EVI5: variants seen among roughly 807,000 people sequenced by gnomAD.
EVI5 encodes the protein ecotropic viral integration site 5.
Under a neutral mutation model 112.0 loss-of-function variants are expected in EVI5, and 73 were observed. The ratio of observed to expected loss-of-function variants is 0.65; its 90% CI spans 0.54 to 0.79. EVI5 has a LOEUF of 0.79. EVI5 is among the 30% of genes least tolerant of loss of function. EVI5 has a pLI of 0.00. For synonymous variants in EVI5, 305 were observed against 319.9 expected, an observed-to-expected ratio of 0.95 and a Z score of 0.50; for missense variants, 900 against 968.8, an observed-to-expected ratio of 0.93 and a Z score of 0.94.
intron 1 of EVI5, chr1:92,756,524 T>G (rs973073207): frequency 1.1e-5 from 6 of 530,200 alleles, no homozygotes; most frequent in Non-Finnish European, 2.3e-5. Context: ...TGGTATTTCT[T>G]AGTGCCGTGT....
At chr1:92,522,860 T>G (rs1199797836) in intron 19 of EVI5, among the ~76,000 whole-genome samples, 1 of 151,892 alleles carries the variant, frequency 6.6e-6, no homozygotes, top group African/African-American at 2.4e-5. Context: ...TGGGCTCAAG[T>G]GATCCTCCTG....
chr1:92,740,610 T>C (rs558701340), intron 1 of EVI5, among the ~76,000 whole-genome samples: 182 of 152,306 alleles, frequency 1.2e-3, no homozygotes, highest in African/African-American at 4.0e-3. Context: ...TTATTTTTTA[T>C]TGGGCTCACT....
intron 14 of EVI5, among the ~76,000 whole-genome samples, chr1:92,634,767 A>G (rs1658363368): frequency 6.6e-6 from 1 of 151,762 alleles, no homozygotes; most frequent in Non-Finnish European, 1.5e-5. Flanking sequence ...GCTTTTTAGA[A>G]TTTTCAGTTT....
At chr1:92,579,582 A>G (rs1319203497) in intron 18 of EVI5, among the ~76,000 whole-genome samples, 1 of 152,192 alleles carries the variant, frequency 6.6e-6, no homozygotes, top group Non-Finnish European at 1.5e-5. Context: ...TGACTAATAC[A>G]GTTATTAATA....
chr1:92,536,444 A>G (rs1326771265), intron 19 of EVI5, among the ~76,000 whole-genome samples: 1 of 152,208 alleles, frequency 6.6e-6, no homozygotes, highest in Non-Finnish European at 1.5e-5. Context: ...TATGATAGTA[A>G]AAATTCAAAC....
At chr1:92,644,229 C>A (rs1660523753) in intron 13 of EVI5, among the ~76,000 whole-genome samples, 1 of 152,172 alleles carries the variant, frequency 6.6e-6, no homozygotes, top group Admixed American at 6.5e-5. Context: ...ATGTGCCTTC[C>A]TGATTTAAAG....
chr1:92,624,358 C>T (rs780742096), intron 15 of EVI5, 24 bp from the exon 16 acceptor site: 1 of 1,599,814 alleles, frequency 6.3e-7, no homozygotes, highest in South Asian at 1.1e-5. Context: ...AATTATATTG[C>T]AACAAATACT....
chr1:92,560,995 CTTG>C (rs1300068727), intron 19 of EVI5, among the ~76,000 whole-genome samples: 1 of 151,632 alleles, frequency 6.6e-6, no homozygotes, highest in Non-Finnish European at 1.5e-5. Context: ...CAGTGGAGAA[CTTG>C]TTATTTAATC....
At chr1:92,592,423 G>A (rs1350888934) in intron 18 of EVI5, among the ~76,000 whole-genome samples, 2 of 152,178 alleles carry the variant, frequency 1.3e-5, no homozygotes, top group Non-Finnish European at 2.9e-5. Flanking sequence ...TCCAAGCAGT[G>A]TGTAGAGGGA....
intron 19 of EVI5, among the ~76,000 whole-genome samples, chr1:92,544,032 T>A (rs1221345599): frequency 6.6e-6 from 1 of 152,238 alleles, no homozygotes; most frequent in Non-Finnish European, 1.5e-5. Flanking sequence ...ACGACATGAA[T>A]GAGCCTTGAA....
intron 16 of EVI5, among the ~76,000 whole-genome samples, chr1:92,616,087 G>A (rs998752310): frequency 6.6e-6 from 1 of 152,200 alleles, no homozygotes; most frequent in Admixed American, 6.5e-5. Context: ...ATGGCCCACT[G>A]TGAGAGAGCT....
At chr1:92,644,378 A>G (rs963751521) in intron 13 of EVI5, among the ~76,000 whole-genome samples, 1 of 152,226 alleles carries the variant, frequency 6.6e-6, no homozygotes, top group Non-Finnish European at 1.5e-5. Flanking sequence ...TAAAAAGTTA[A>G]TGTCATTCCT....
chr1:92,646,690 T>C (rs1213683363), intron 13 of EVI5, among the ~76,000 whole-genome samples: 2 of 152,254 alleles, frequency 1.3e-5, no homozygotes, highest in Non-Finnish European at 2.9e-5. Flanking sequence ...GTATAGTTAA[T>C]ACCACCTTAC....
chr1:92,788,762 C>G (rs1383455881), upstream of EVI5, among the ~76,000 whole-genome samples: 2 of 152,070 alleles, frequency 1.3e-5, no homozygotes, highest in East Asian at 3.9e-4. Flanking sequence ...CCACTGCTCT[C>G]CAGCCTGGGC....
intron 10 of EVI5, among the ~76,000 whole-genome samples, chr1:92,671,802 A>ATC (rs1553235254): frequency 8.9e-6 from 1 of 112,858 alleles, no homozygotes; most frequent in Non-Finnish European, 1.8e-5. Context: ...AGCCACCATC[A>ATC]TCTTTTTTTT....
At position 92,511,583 on chromosome 1, in the gene EVI5, C is replaced by T. The variant is rs1479735323; in HGVS notation, c.*2073G>A. 2 of 152,262 alleles carry T rather than the reference C, an allele frequency of 1.3e-5. No homozygotes were observed. Among genetic ancestry groups the T allele is most frequent in the African/African-American group, 4.8e-5 (2 of 41,418 alleles). The allele number at this position is 152,262 out of a possible 1,614,324, so 9.4% of individuals were successfully genotyped here. ...GAGCAGTAGCTCGCACCTGTAATCC[C>T]CACACTTTGGGAGGCTGAGGCAGGA... On this transcript the variant is annotated 3_prime_UTR_variant, in exon 20 of 20. Coordinates refer to ENST00000684568, the MANE Select transcript of EVI5 (RefSeq NM_001350197.2).
chr1:92,550,824 A>C (rs1666787275), intron 19 of EVI5, among the ~76,000 whole-genome samples: 1 of 125,382 alleles, frequency 8.0e-6, no homozygotes, highest in Non-Finnish European at 1.7e-5. Flanking sequence ...AACAAAAAAA[A>C]CAAAAGATAT....
chr1:92,599,564 A>AT (rs745631497), intron 18 of EVI5, among the ~76,000 whole-genome samples: 125 of 152,242 alleles, frequency 8.2e-4, no homozygotes, highest in Non-Finnish European at 1.6e-3. Flanking sequence ...ATATAATTAA[A>AT]TATTGAAACC....
chr1:92,547,883 A>G (rs1212932647), intron 19 of EVI5, among the ~76,000 whole-genome samples: 1 of 152,256 alleles, frequency 6.6e-6, no homozygotes, highest in Non-Finnish European at 1.5e-5. Context: ...AAAGTCCAGG[A>G]CCAGATGGAT....
Sources: gnomAD v4.1 joint callset for allele counts (sites outside exome capture counted in the v4.1 genomes callset) on GRCh38, gnomAD v4.1.1 for gene constraint, MANE v1.5 for transcripts, NCBI Gene and HGNC (gene_info 2026-07-23, HGNC 2026-07-21) for gene names.